The following RGS6 variants were observed in gnomAD, a reference collection of about 807,000 sequenced individuals.
The protein encoded by RGS6 is regulator of G protein signaling 6.
RGS6 carries 30 observed loss-of-function variants against 78.5 expected under a neutral mutation model. The observed-to-expected ratio is 0.38, with a 90% CI of 0.29 to 0.52. The LOEUF is 0.52. Among genes scored for constraint, RGS6 ranks in the 20% least tolerant of loss-of-function variants. The probability of loss-of-function intolerance (pLI) is 0.85; values close to 1 mark genes in which losing one functional copy is unlikely to be tolerated. For synonymous variants in RGS6, 206 were observed against 206.0 expected, an observed-to-expected ratio of 1.00 and a Z score of 0.00; for missense variants, 495 against 609.7, an observed-to-expected ratio of 0.81 and a Z score of 1.98.
At chr14:72,094,977 T>C (rs1429534192) in intron 2 of RGS6, among the ~76,000 whole-genome samples, 1 of 152,154 alleles carries the variant, frequency 6.6e-6, no homozygotes, top group Non-Finnish European at 1.5e-5. Context: ...GAAAGCCTAA[T>C]GCTCTTTCTT....
intron 2 of RGS6, among the ~76,000 whole-genome samples, chr14:72,088,782 T>C (rs2095155468): frequency 6.6e-6 from 1 of 152,024 alleles, no homozygotes; most frequent in Non-Finnish European, 1.5e-5. Context: ...TATGTTCCCC[T>C]CCTCATCATG....
intron 2 of RGS6, among the ~76,000 whole-genome samples, chr14:71,997,252 T>C (rs942486675): frequency 1.3e-5 from 2 of 152,178 alleles, no homozygotes; most frequent in African/African-American, 4.8e-5. Context: ...CACCACTTAC[T>C]TGTGATAGAT....
At chr14:72,081,211 G>A (rs2094808080) in intron 2 of RGS6, among the ~76,000 whole-genome samples, 1 of 151,924 alleles carries the variant, frequency 6.6e-6, no homozygotes, top group African/African-American at 2.4e-5. Context: ...AGTTTTCAGT[G>A]TACAGATTTT....
intron 2 of RGS6, among the ~76,000 whole-genome samples, chr14:72,093,082 C>T (rs2095317542): frequency 6.6e-6 from 1 of 151,700 alleles, no homozygotes; most frequent in Admixed American, 6.6e-5. Flanking sequence ...CCAATATAAC[C>T]AGCATTCAGC....
chr14:72,297,433 T>TA (rs1390646561), intron 2 of RGS6, among the ~76,000 whole-genome samples: 202 of 146,976 alleles, frequency 1.4e-3, no homozygotes, highest in East Asian at 6.2e-3. Flanking sequence ...ATTATTATTT[T>TA]TTTTTTATAC....
At chr14:72,477,456 A>C (rs1405744612) in intron 11 of RGS6, among the ~76,000 whole-genome samples, 2 of 150,984 alleles carry the variant, frequency 1.3e-5, no homozygotes, top group East Asian at 3.9e-4. Flanking sequence ...TGACAAGTTT[A>C]TTATCTGATG....
At chr14:71,936,054 CA>C (rs1397965648) in intron 1 of RGS6, among the ~76,000 whole-genome samples, 1 of 31,558 alleles carries the variant, frequency 3.2e-5, no homozygotes, top group Non-Finnish European at 8.9e-5. Flanking sequence ...ACATATATAT[CA>C]TATATACATA....
At chr14:72,139,942 C>A (rs984971043) in intron 2 of RGS6, among the ~76,000 whole-genome samples, 1 of 152,078 alleles carries the variant, frequency 6.6e-6, no homozygotes, top group Non-Finnish European at 1.5e-5. Context: ...CCACTTGACT[C>A]TCAGTTATTT....
At chr14:72,215,417 A>C (rs1599675832) in intron 2 of RGS6, among the ~76,000 whole-genome samples, 1 of 152,176 alleles carries the variant, frequency 6.6e-6, no homozygotes, top group Admixed American at 6.5e-5. Context: ...AAGAAATAGC[A>C]CTTGAACATA....
chr14:72,338,269 G>A (rs139901331), intron 2 of RGS6, among the ~76,000 whole-genome samples: 8 of 152,312 alleles, frequency 5.3e-5, no homozygotes, highest in South Asian at 2.1e-4. Flanking sequence ...ACAGACTCAC[G>A]GTTCCACGTG....
intron 2 of RGS6, among the ~76,000 whole-genome samples, chr14:72,002,463 T>C (rs549944946): frequency 6.6e-6 from 1 of 152,332 alleles, no homozygotes; most frequent in East Asian, 1.9e-4. Context: ...TTTCTGGTAG[T>C]ACGTTGATTG....
At chr14:72,106,100 A>C (rs921016818) in intron 2 of RGS6, among the ~76,000 whole-genome samples, 2 of 152,238 alleles carry the variant, frequency 1.3e-5, no homozygotes, top group African/African-American at 4.8e-5. Flanking sequence ...ATAGCACATC[A>C]GAGAACAGAG....
intron 3 of RGS6, among the ~76,000 whole-genome samples, chr14:72,368,598 C>T (rs2082862581): frequency 6.6e-6 from 1 of 152,176 alleles, no homozygotes; most frequent in African/African-American, 2.4e-5. Flanking sequence ...TTATAATGAA[C>T]TTCCCTGCCT....
At chr14:72,037,782 G>A (rs2091920836) in intron 2 of RGS6, among the ~76,000 whole-genome samples, 2 of 152,180 alleles carry the variant, frequency 1.3e-5, no homozygotes, top group African/African-American at 4.8e-5. Flanking sequence ...GGTGTGTTAT[G>A]TGGGCATATG....
intron 2 of RGS6, among the ~76,000 whole-genome samples, chr14:71,970,654 T>C (rs1325406190): frequency 6.6e-6 from 1 of 152,046 alleles, no homozygotes; most frequent in Non-Finnish European, 1.5e-5. Flanking sequence ...ATGATGAGGA[T>C]TAGAAACTGT....
At chr14:72,540,717 G>A (rs1325013646) in intron 17 of RGS6, 11 of 1,335,664 alleles carry the variant, frequency 8.2e-6, no homozygotes, top group East Asian at 4.6e-5. Flanking sequence ...GGGAGAGGAG[G>A]GAAGTAGCTG....
At chr14:72,327,924 T>C (rs1041940747) in intron 2 of RGS6, among the ~76,000 whole-genome samples, 3 of 152,180 alleles carry the variant, frequency 2.0e-5, no homozygotes, top group African/African-American at 7.2e-5. Flanking sequence ...TATATAGATA[T>C]ATATATATAA....
At chr14:71,995,065 A>G (rs2095137953) in intron 2 of RGS6, among the ~76,000 whole-genome samples, 1 of 152,112 alleles carries the variant, frequency 6.6e-6, no homozygotes, top group Admixed American at 6.5e-5. Flanking sequence ...TGTACTCCTG[A>G]GTTCTCACAG....
chr14:72,599,614 CG>C, the RGS6 span, among the ~76,000 whole-genome samples: 4 of 127,886 alleles, frequency 3.1e-5, no homozygotes, highest in East Asian at 9.1e-4. Context: ...TTAGTAGAGA[CG>C]GGGTTTTACC....
Sources: allele counts gnomAD v4.1 joint callset (sites outside exome capture counted in the v4.1 genomes callset), GRCh38; gene constraint gnomAD v4.1.1; transcripts MANE v1.5; gene names NCBI Gene and HGNC (gene_info 2026-07-23, HGNC 2026-07-21).